Variants in RBFOX1 observed in about 807,000 individuals in gnomAD.
RBFOX1 encodes RNA binding fox-1 homolog 1.
In RBFOX1, 8 loss-of-function variants were observed where a neutral mutation model predicts 57.7. The ratio of observed to expected loss-of-function variants is 0.14; its 90% CI spans 0.08 to 0.25. The LOEUF (loss-of-function observed/expected upper bound fraction) is 0.25. Ranked by LOEUF, RBFOX1 falls within the 10% of genes least tolerant of loss-of-function variation. RBFOX1 has a pLI of 1.00. For missense variants in RBFOX1, 611 were observed against 548.5 expected, an observed-to-expected ratio of 1.11 and a Z score of -1.14; for synonymous variants, 326 against 222.4, an observed-to-expected ratio of 1.47 and a Z score of -4.15.
At chr16:7,252,168 T>C (rs1324370994) in intron 4 of RBFOX1, among the ~76,000 whole-genome samples, 2 of 152,226 alleles carry the variant, frequency 1.3e-5, no homozygotes, top group African/African-American at 2.4e-5. Flanking sequence ...TCCTATTTCT[T>C]ACATCATCAA....
chr16:7,200,107 C>T (rs1206451370), intron 4 of RBFOX1, among the ~76,000 whole-genome samples: 2 of 152,278 alleles, frequency 1.3e-5, no homozygotes, highest in East Asian at 1.9e-4. Flanking sequence ...GGGACATGAA[C>T]ACATAGCACC....
At chr16:7,219,467 C>G (rs969468899) in intron 4 of RBFOX1, among the ~76,000 whole-genome samples, 2 of 152,158 alleles carry the variant, frequency 1.3e-5, no homozygotes, top group Non-Finnish European at 2.9e-5. Flanking sequence ...CAACCGTGTT[C>G]ATTTATAAAT....
intron 4 of RBFOX1, among the ~76,000 whole-genome samples, chr16:7,386,444 T>G (rs2097883661): frequency 6.6e-6 from 1 of 151,490 alleles, no homozygotes; most frequent in Non-Finnish European, 1.5e-5. Flanking sequence ...GTATTCTCAT[T>G]GTTCACCTCC....
intron 4 of RBFOX1, among the ~76,000 whole-genome samples, chr16:7,066,209 G>C (rs898030660): frequency 1.3e-5 from 2 of 152,230 alleles, no homozygotes; most frequent in Admixed American, 1.3e-4. Context: ...GAGGTTAAGA[G>C]TTAGAACCAT....
chr16:6,504,855 A>C (rs192766917), intron 2 of RBFOX1, among the ~76,000 whole-genome samples: 79 of 152,166 alleles, frequency 5.2e-4, no homozygotes, highest in African/African-American at 1.8e-3. Flanking sequence ...GGAGTTCAAG[A>C]CTAGCCTGCC....
chr16:6,465,673 G>A (rs1567338278), intron 2 of RBFOX1, among the ~76,000 whole-genome samples: 1 of 147,192 alleles, frequency 6.8e-6, no homozygotes, highest in Non-Finnish European at 1.5e-5. Context: ...TTGGAGCATG[G>A]CCCTGCATAT....
At chr16:5,589,880 G>A (rs2046950266) in intron 2 of RBFOX1, among the ~76,000 whole-genome samples, 1 of 152,072 alleles carries the variant, frequency 6.6e-6, no homozygotes. Flanking sequence ...GGGTTGCTTT[G>A]CTGGATCCTG....
At chr16:6,474,511 C>G (rs1191516954) in intron 2 of RBFOX1, among the ~76,000 whole-genome samples, 3 of 152,166 alleles carry the variant, frequency 2.0e-5, no homozygotes, top group African/African-American at 7.2e-5. Context: ...AAATGGGCAG[C>G]CACCAGCCAC....
intron 1 of RBFOX1, among the ~76,000 whole-genome samples, chr16:6,218,080 T>C (rs115661873): frequency 2.6e-3 from 391 of 152,280 alleles, no homozygotes; most frequent in African/African-American, 9.0e-3. Context: ...AAAGAAATTT[T>C]AAAAGGAATG....
chr16:6,685,144 T>A (rs963691927), intron 3 of RBFOX1, among the ~76,000 whole-genome samples: 2 of 152,186 alleles, frequency 1.3e-5, no homozygotes, highest in African/African-American at 2.4e-5. Flanking sequence ...GCTGTCACCT[T>A]TTATATTCCA....
chr16:5,927,629 G>A (rs542011403), intron 4 of RBFOX1, among the ~76,000 whole-genome samples: 13 of 152,284 alleles, frequency 8.5e-5, no homozygotes, highest in Non-Finnish European at 1.6e-4. Flanking sequence ...TCTGTATATC[G>A]AAGAGATATC....
At chr16:7,567,162 T>TA (rs1567863511) in intron 5 of RBFOX1, among the ~76,000 whole-genome samples, 91 of 146,378 alleles carry the variant, frequency 6.2e-4, no homozygotes, top group African/African-American at 2.1e-3. Flanking sequence ...TATATATATA[T>TA]CCATATATAT....
intron 4 of RBFOX1, among the ~76,000 whole-genome samples, chr16:7,496,351 C>A (rs1253963632): frequency 6.6e-6 from 1 of 152,134 alleles, no homozygotes. Context: ...TCATGTTGAC[C>A]AGGCTGGTCT....
rs186025887 is a variant in RBFOX1, at chr16:7,321,643, G to A, written c.28-196504G>A. On this transcript the variant is annotated intron_variant, in intron 4 of 15. Transcript: ENST00000550418. ...ATTTACCTTATAGGATAGTTGTGAA[G>A]ATTAAGTGAGTTAATATACAAAGGA... 5.6e-3 allele frequency among the ~76,000 whole-genome samples: 847 copies of A among 152,274 alleles called. 7 individuals are homozygous for A. The highest frequency in any genetic ancestry group is 8.8e-3 in the Non-Finnish European group (596 of 68,030).
rs116112757 is a variant in RBFOX1 at position 5,340,181 on chromosome 16, G to C, written c.219+100076G>C. Among the ~76,000 whole-genome samples, 722 of 152,236 alleles carry C rather than the reference G, an allele frequency of 4.7e-3. 8 individuals carry two copies. The highest frequency in any genetic ancestry group is 0.017 in the African/African-American group (693 of 41,534). On this transcript the variant is annotated intron_variant, in intron 1 of 2. Coordinates refer to the RBFOX1 transcript ENST00000585867. ...TGCTTAAGGCTGAATTATGACAAAA[G>C]ACAGTTGCTTACATCTGGGGCTTTT...
At chr16:5,562,000 C>G (rs1289662864) in intron 2 of RBFOX1, among the ~76,000 whole-genome samples, 1 of 152,074 alleles carries the variant, frequency 6.6e-6, no homozygotes, top group Non-Finnish European at 1.5e-5. Context: ...CAATATGGTG[C>G]TAGAGGGTGT....
At chr16:6,860,172 G>C (rs2058744847) in intron 3 of RBFOX1, among the ~76,000 whole-genome samples, 1 of 152,138 alleles carries the variant, frequency 6.6e-6, no homozygotes, top group African/African-American at 2.4e-5. Context: ...TTCATTTTCT[G>C]AGTCATCTGC....
At chr16:5,256,044 A>T (rs1455759498) in intron 1 of RBFOX1, among the ~76,000 whole-genome samples, 3 of 152,142 alleles carry the variant, frequency 2.0e-5, no homozygotes, top group Non-Finnish European at 4.4e-5. Flanking sequence ...TTCTTGGCAG[A>T]TGCTGCAGAT....
In RBFOX1 at chr16:5,757,231, G is replaced by GTT. The variant is rs562031050; in HGVS notation, c.319-110055_319-110054dup. Among the ~76,000 whole-genome samples, 41 of 127,034 alleles carry GTT rather than the reference G, an allele frequency of 3.2e-4. 1 individual carries two copies. Among genetic ancestry groups the GTT allele is most frequent in the African/African-American group, 6.2e-4 (21 of 33,798 alleles). The allele number at this position is 127,034 out of a possible 152,430, so 83.3% of individuals were successfully genotyped here. A position where few individuals can be genotyped will look rare whatever the true frequency, so the allele number is the denominator to read the frequency against. ...AGGTTTTTTTTGTTTTGGTTTTTGT[G>GTT]TTTTTTTTTTTTTTTTTTGGAGATG... On this transcript the variant is annotated intron_variant, in intron 3 of 19. Coordinates refer to the RBFOX1 transcript ENST00000641259.
Sources: allele counts gnomAD v4.1 joint callset (sites outside exome capture counted in the v4.1 genomes callset), GRCh38; gene constraint gnomAD v4.1.1; transcripts MANE v1.5; gene names NCBI Gene and HGNC (gene_info 2026-07-23, HGNC 2026-07-21).